The following SAE1 variants were observed in gnomAD, a reference collection of about 807,000 sequenced individuals.
SAE1 encodes the protein SUMO-activating enzyme subunit 1.
Under a neutral mutation model 40.6 loss-of-function variants are expected in SAE1, and 11 were observed. The observed-to-expected ratio is 0.27, with a 90% confidence interval of 0.17 to 0.45. SAE1 has a LOEUF of 0.45. SAE1 is among the 20% of genes least tolerant of loss of function. The pLI is 1.00. For synonymous variants in SAE1, 155 were observed against 154.3 expected (o/e 1.00, Z -0.03); for missense variants, 373 against 427.3 (o/e 0.87, Z 1.12).
chr19:47,164,402 C>T (rs894192272), intron 5 of SAE1, among the ~76,000 whole-genome samples: 3 of 151,596 alleles, frequency 2.0e-5, no homozygotes, highest in South Asian at 4.2e-4. Context: ...CTGCTGACCT[C>T]GTGATCCGCC....
chr19:47,168,057 G>C (rs2058405588), intron 5 of SAE1, among the ~76,000 whole-genome samples: 1 of 152,116 alleles, frequency 6.6e-6, no homozygotes. Context: ...GCTGGGCGTG[G>C]TGGCATGCAT....
chr19:47,155,570 C>T (rs1361855228), intron 5 of SAE1, among the ~76,000 whole-genome samples: 3 of 151,954 alleles, frequency 2.0e-5, no homozygotes, highest in Admixed American at 1.3e-4. Context: ...AAGCAATTCT[C>T]CTGCCTCATC....
rs1252592926 is a variant in SAE1, at chr19:47,210,023, A to G, written c.*772A>G. Reference sequence around the variant, plus strand: ...CTAGGAGGGAGGAGCCTGCCCTTTTAACAGAACCCCAGTCACATGCGGCTC... The same window carrying G: ...CTAGGAGGGAGGAGCCTGCCCTTTTGACAGAACCCCAGTCACATGCGGCTC... On this transcript the variant is annotated 3_prime_UTR_variant, in exon 9 of 9. Coordinates refer to ENST00000270225, the MANE Select transcript of SAE1 (RefSeq NM_005500.3). 1 of 152,146 alleles carries G rather than the reference A, an allele frequency of 6.6e-6. No homozygotes were observed. Among genetic ancestry groups the G allele is most frequent in the Non-Finnish European group, 1.5e-5 (1 of 68,014 alleles). The allele number at this position is 152,146 out of a possible 1,614,324, so 9.4% of individuals were successfully genotyped here. A position where few individuals can be genotyped will look rare whatever the true frequency, so the allele number is the denominator to read the frequency against.
At chr19:47,182,461 C>T (rs12979581) in intron 6 of SAE1, among the ~76,000 whole-genome samples, 28,109 of 139,596 alleles carry the variant, frequency 0.2, 2,672 homozygotes, top group East Asian at 0.4. Context: ...AAGAAAAAAG[C>T]GTAGTGTGTG....
intron 1 of SAE1, 58 bp downstream of exon 1, chr19:47,131,086 C>G: frequency 6.8e-7 from 1 of 1,462,064 alleles, no homozygotes; most frequent in African/African-American, 1.5e-5. Context: ...TATTCTGAGG[C>G]GTTTGCGGCC....
At chr19:47,164,999 C>T (rs2058383133) in intron 5 of SAE1, among the ~76,000 whole-genome samples, 2 of 149,590 alleles carry the variant, frequency 1.3e-5, no homozygotes, top group South Asian at 2.1e-4. Context: ...ATTGGCCAGG[C>T]TGGTCTCGAA....
intron 6 of SAE1, among the ~76,000 whole-genome samples, chr19:47,170,964 C>G (rs1568598389): frequency 6.6e-6 from 1 of 152,004 alleles, no homozygotes; most frequent in African/African-American, 2.4e-5. Flanking sequence ...CAGTGTTCTT[C>G]CTGTACCTGG....
chr19:47,197,896 A>G (rs2123312719), intron 7 of SAE1, among the ~76,000 whole-genome samples: 1 of 152,302 alleles, frequency 6.6e-6, no homozygotes, highest in Middle Eastern at 3.4e-3. Flanking sequence ...GCTGGGTCAG[A>G]AGGTTGTAAT....
intron 6 of SAE1, chr19:47,180,285 T>C: frequency 2.2e-6 from 1 of 456,202 alleles, no homozygotes; most frequent in Non-Finnish European, 4.4e-6. Context: ...TTTCCAGATC[T>C]GGGGTAGGAA....
intron 6 of SAE1, among the ~76,000 whole-genome samples, chr19:47,186,865 A>G (rs1476257354): frequency 6.6e-6 from 1 of 152,174 alleles, no homozygotes; most frequent in Non-Finnish European, 1.5e-5. Flanking sequence ...GAAGTTTTCT[A>G]GAGAAAGACA....
At chr19:47,155,086 T>G in intron 4 of SAE1, 28 bp from the exon 5 acceptor site, 1 of 1,375,454 alleles carries the variant, frequency 7.3e-7, no homozygotes, top group Non-Finnish European at 1.0e-6. Flanking sequence ...AGGGTAAAAT[T>G]ACATTCTCTC....
chr19:47,165,688 A>G (rs949513521), intron 5 of SAE1, among the ~76,000 whole-genome samples: 11 of 152,178 alleles, frequency 7.2e-5, no homozygotes, highest in Non-Finnish European at 1.5e-4. Context: ...TAAGACAGGT[A>G]CCACCTTTTG....
At chr19:47,176,806 C>T (rs1394550854) in intron 6 of SAE1, among the ~76,000 whole-genome samples, 2 of 152,202 alleles carry the variant, frequency 1.3e-5, no homozygotes. Context: ...TGAGAGTTGG[C>T]CTCGCCATCT....
intron 6 of SAE1, among the ~76,000 whole-genome samples, chr19:47,192,501 C>T (rs985889222): frequency 3.3e-5 from 5 of 151,970 alleles, no homozygotes; most frequent in African/African-American, 1.2e-4. Context: ...CCCGCCTTGG[C>T]CTCCCAAAGT....
intron 6 of SAE1, among the ~76,000 whole-genome samples, chr19:47,181,986 C>G (rs1439806410): frequency 6.6e-6 from 1 of 151,426 alleles, no homozygotes; most frequent in Non-Finnish European, 1.5e-5. Flanking sequence ...AGGCCTCACT[C>G]CATGGCCTAG....
chr19:47,156,506 T>G (rs1206273992), intron 5 of SAE1, among the ~76,000 whole-genome samples: 1 of 152,052 alleles, frequency 6.6e-6, no homozygotes, highest in Non-Finnish European at 1.5e-5. Context: ...TTGCCTGTTT[T>G]TTTCCTTTTG....
chr19:47,168,847 A>C (rs1402681337), intron 5 of SAE1, among the ~76,000 whole-genome samples: 1 of 151,752 alleles, frequency 6.6e-6, no homozygotes, highest in Non-Finnish European at 1.5e-5. Flanking sequence ...CAGGCGATCC[A>C]CCCGCCTCGG....
intron 6 of SAE1, among the ~76,000 whole-genome samples, chr19:47,196,333 C>CTTTTTTTTTTGTTTTT (rs2058615213): frequency 3.6e-5 from 1 of 27,882 alleles, no homozygotes; most frequent in African/African-American, 2.0e-4. Flanking sequence ...CCGCGCCTGG[C>CTTTTTTTTTTGTTTTT]TTTTTTTTTT....
In SAE1 at chr19:47,201,360, C is replaced by CTTTTTTTTTTTTTTTTT. The variant is rs57568797; in HGVS notation, c.879-2298_879-2282dup. ...CTGCACCTGGCCTGTTATCTGGTTCCTTTTTTTTTTTTTTTTTTTTTTTTT... is the reference window on the plus strand; with the variant it reads ...CTGCACCTGGCCTGTTATCTGGTTCCTTTTTTTTTTTTTTTTTTTTTTTTTTTTTTTTTTTTTTTTTT... On this transcript the variant is annotated intron_variant, in intron 7 of 8. Transcript: ENST00000270225. 2.1e-4 allele frequency among the ~76,000 whole-genome samples: 14 copies of CTTTTTTTTTTTTTTTTT among 66,226 alleles called. 1 individual carries two copies. Among genetic ancestry groups the CTTTTTTTTTTTTTTTTT allele is most frequent in the South Asian group, 7.4e-4 (1 of 1,352 alleles). The allele number at this position is 66,226 out of a possible 152,430, so 43.4% of individuals were successfully genotyped here.
Sources: allele counts gnomAD v4.1 joint callset (sites outside exome capture counted in the v4.1 genomes callset), GRCh38; gene constraint gnomAD v4.1.1; transcripts MANE v1.5; gene names NCBI Gene and HGNC (gene_info 2026-07-23, HGNC 2026-07-21).